The following CRHR2 variants were observed in gnomAD, a reference collection of about 807,000 sequenced individuals.
CRHR2 encodes the protein corticotropin releasing hormone receptor 2, also known as corticotropin-releasing hormone receptor 2.
CRHR2 carries 53 observed loss-of-function variants against 57.9 expected under a neutral mutation model. The observed-to-expected ratio is 0.92, with a 90% CI of 0.73 to 1.15. The LOEUF (loss-of-function observed/expected upper bound fraction) is 1.15. Ranked by LOEUF, CRHR2 falls within the 50% of genes most tolerant of loss-of-function variation. The pLI is 0.00. For synonymous variants in CRHR2, 213 were observed against 220.9 expected (o/e 0.96, Z 0.32); for missense variants, 532 against 542.6 (o/e 0.98, Z 0.19).
rs373067852 is a variant in CRHR2, at chr7:30,662,976, C to T, written c.544-129G>A. 93 of 1,076,056 alleles carry T rather than the reference C, an allele frequency of 8.6e-5. 1 individual carries two copies. The South Asian group carries it at 1.2e-3, about 14-fold the overall frequency. 66.7% of individuals were successfully genotyped at this position (1,076,056 alleles called of 1,614,324 possible). A position where few individuals can be genotyped will look rare whatever the true frequency, so the allele number is the denominator to read the frequency against. Reference sequence around the variant, plus strand: ...TCGTGGACATGCCATCAAATACCAGCGAACCTCACTCTGAAAAGCTTCATC... The same window carrying T: ...TCGTGGACATGCCATCAAATACCAGTGAACCTCACTCTGAAAAGCTTCATC... On this transcript the variant is annotated intron_variant, in intron 5 of 11. Coordinates refer to ENST00000471646, the MANE Select transcript of CRHR2 (RefSeq NM_001883.5).
chr7:30,689,953 A>G (rs565800099), intron 1 of CRHR2, among the ~76,000 whole-genome samples: 61 of 152,232 alleles, frequency 4.0e-4, no homozygotes, highest in Non-Finnish European at 6.3e-4. Context: ...AGAAGGGACC[A>G]TAGGGCCAGC....
chr7:30,670,583 A>G (rs1784325537), intron 2 of CRHR2, among the ~76,000 whole-genome samples: 2 of 152,240 alleles, frequency 1.3e-5, no homozygotes, highest in African/African-American at 4.8e-5. Flanking sequence ...CTGGGTATCA[A>G]AGGACTGGAG....
chr7:30,669,539 C>T (rs1207724436), intron 2 of CRHR2, among the ~76,000 whole-genome samples: 1 of 152,152 alleles, frequency 6.6e-6, no homozygotes, highest in Non-Finnish European at 1.5e-5. Context: ...CACCAATGCC[C>T]ATGGGGTCCC....
chr7:30,687,252 C>A (rs1344030892), upstream of CRHR2, among the ~76,000 whole-genome samples: 1 of 152,018 alleles, frequency 6.6e-6, no homozygotes, highest in Non-Finnish European at 1.5e-5. Flanking sequence ...TCGAGGGGCT[C>A]CCTAGCAGCC....
chr7:30,690,742 C>T (rs1166339938), intron 1 of CRHR2, among the ~76,000 whole-genome samples: 1 of 152,208 alleles, frequency 6.6e-6, no homozygotes, highest in African/African-American at 2.4e-5. Context: ...CCCACCTGCT[C>T]AGACAGGAGA....
chr7:30,688,959 G>C (rs1784906454), intron 2 of CRHR2: 1 of 630,022 alleles, frequency 1.6e-6, no homozygotes, highest in South Asian at 1.5e-5. Context: ...AGCTGGGAAT[G>C]GGGAGTGGCC....
rs1039529440 is a variant in CRHR2, at chr7:30,656,155, G to A, written c.832-143C>T. The A allele has an allele frequency of 4.1e-6, 3 of 725,424 alleles. No individual in the cohort carries two copies. The highest frequency in any genetic ancestry group is 2.2e-5 in the Admixed American group (1 of 46,140). The allele number at this position is 725,424 out of a possible 1,614,324, so 44.9% of individuals were successfully genotyped here. ...TATCCTACCTGTCCCCCTAGCACCT[G>A]CCAGCATCCCAAGGCCTGTGCTCCT... On this transcript the variant is annotated intron_variant, in intron 8 of 11. Coordinates refer to ENST00000471646, the MANE Select transcript of CRHR2 (RefSeq NM_001883.5). The surrounding 1 kb of genome is among the most constrained non-coding windows in gnomAD (Gnocchi z 4.4).
At chr7:30,658,643 C>T (rs1783879738) in intron 8 of CRHR2, among the ~76,000 whole-genome samples, 1 of 152,214 alleles carries the variant, frequency 6.6e-6, no homozygotes, top group Non-Finnish European at 1.5e-5. Context: ...TGAGCTCCTG[C>T]TTCCTTGTCT....
intron 2 of CRHR2, 79 bp from the exon 3 acceptor site, chr7:30,667,392 A>G: frequency 8.1e-7 from 1 of 1,240,140 alleles, no homozygotes; most frequent in Non-Finnish European, 1.2e-6. Context: ...TGCCCACAGG[A>G]TAAGGTGTAC....
intron 7 of CRHR2, among the ~76,000 whole-genome samples, chr7:30,660,925 G>T (rs1054871494): frequency 1.3e-5 from 2 of 152,230 alleles, no homozygotes; most frequent in African/African-American, 4.8e-5. Context: ...CAGACTGCTA[G>T]GCATAGGACT....
At position 30,671,024 on chromosome 7, in the gene CRHR2, G is replaced by A. The variant is rs1244116026; in HGVS notation, c.230-3711C>T. Among the ~76,000 whole-genome samples the A allele has an allele frequency of 2.0e-5, 3 of 152,308 alleles. No individual in the cohort carries two copies. The East Asian group carries it at 5.8e-4, about 29-fold the overall frequency. ...GCTGACACTTTGCAAAGAGTTCCTG[G>A]TTCAGGCAGTTACCTGGGGTGGTCC... On this transcript the variant is annotated intron_variant, in intron 2 of 11. Transcript: ENST00000471646.
chr7:30,670,566 A>G (rs1000516084), intron 2 of CRHR2, among the ~76,000 whole-genome samples: 4 of 152,244 alleles, frequency 2.6e-5, no homozygotes, highest in Non-Finnish European at 5.9e-5. Flanking sequence ...GCTTCTGGTT[A>G]CAGACACTGG....
intron 2 of CRHR2, among the ~76,000 whole-genome samples, chr7:30,680,084 T>C (rs1157660166): frequency 6.6e-6 from 1 of 152,228 alleles, no homozygotes; most frequent in African/African-American, 2.4e-5. Flanking sequence ...TTAGACTTAA[T>C]TGATATGAAT....
chr7:30,655,149 C>T, intron 10 of CRHR2, 69 bp from the exon 11 acceptor site: 1 of 1,534,286 alleles, frequency 6.5e-7, no homozygotes, highest in East Asian at 2.4e-5. Flanking sequence ...GGTGGGGTGG[C>T]ACTGGGGACA....
rs546243555 is a variant in CRHR2 at position 30,655,819 on chromosome 7, G to A, written c.918-104C>T. The A allele has an allele frequency of 1.4e-4, 219 of 1,584,978 alleles. 1 individual carries two copies. In the African/African-American group the frequency reaches 2.6e-3, roughly 19 times the overall value. ...TGGTGTTTCTTCCGGGAGCTTGAGC[G>A]AGCTCCCTGGGTGAGGCCTGGGGCA... is the stretch of plus-strand genomic sequence containing the variant. On this transcript the variant is annotated intron_variant, in intron 9 of 11. Coordinates refer to ENST00000471646, the MANE Select transcript of CRHR2 (RefSeq NM_001883.5).
rs746167448 is a variant in CRHR2, at chr7:30,665,270, G to A, written c.426-83C>T. On this transcript the variant is annotated intron_variant, in intron 4 of 11. Coordinates refer to ENST00000471646, the MANE Select transcript of CRHR2 (RefSeq NM_001883.5). The surrounding 1 kb of genome is among the most constrained non-coding windows in gnomAD (Gnocchi z 4.5). ...CCCCCTGAGGCCAGGTAGAGACTCAGCCTGGGATGAGGGCAGGGCTGCACT... is the reference window on the plus strand; with the variant it reads ...CCCCCTGAGGCCAGGTAGAGACTCAACCTGGGATGAGGGCAGGGCTGCACT... The A allele has an allele frequency of 2.2e-5, 27 of 1,233,162 alleles. No individual in the cohort carries two copies. The highest frequency in any genetic ancestry group is 5.9e-5 in the African/African-American group (4 of 67,642). 76.4% of individuals were successfully genotyped at this position (1,233,162 alleles called of 1,614,324 possible). A position where few individuals can be genotyped will look rare whatever the true frequency, so the allele number is the denominator to read the frequency against.
chr7:30,686,354 T>A (rs1418724159), upstream of CRHR2: 6 of 1,509,100 alleles, frequency 4.0e-6, no homozygotes, highest in South Asian at 2.5e-5. Context: ...TGCTCTAGAC[T>A]TCAGCCCAGT....
rs1784722142 is a variant in CRHR2 at position 30,681,929 on chromosome 7, T to C, written c.215A>G (p.Lys72Arg). 1 of 1,612,036 alleles carries C rather than the reference T, an allele frequency of 6.2e-7. No homozygotes were observed. Among genetic ancestry groups the C allele is most frequent in the Non-Finnish European group, 8.5e-7 (1 of 1,179,470 alleles). The change falls in exon 2 of 12, where the codon AAG (lysine) becomes AGG (arginine). Residue 72 changes from lysine (K) to arginine (R), a missense_variant. Transcript: ENST00000471646. ...RPCPEYFNGV[K>R]YNTTRNAYRE... ...GGGGCACTCACGGGTCGTGTTGTAC[T>C]TGACGCCGTTGAAGTACTCGGGGCA... is the stretch of plus-strand genomic sequence containing the variant.
Position 30,672,002 on chromosome 7 carries a change from C to T in CRHR2, c.230-4689G>A, listed in dbSNP as rs189444432. On this transcript the variant is annotated intron_variant, in intron 2 of 11. Transcript: ENST00000471646. ...AATATTTACAGAAGGAATGAAGTCA[C>T]TACATGGGATCGGAACTTTCAGCAC... 6.1e-3 allele frequency among the ~76,000 whole-genome samples: 928 copies of T among 152,298 alleles called. 7 individuals carry two copies. Among genetic ancestry groups the T allele is most frequent in the Middle Eastern group, 0.034 (10 of 294 alleles).
Sources: allele counts gnomAD v4.1 joint callset (sites outside exome capture counted in the v4.1 genomes callset), GRCh38; gene constraint gnomAD v4.1.1; non-coding constraint Gnocchi (gnomAD v3.1); transcripts MANE v1.5; gene names NCBI Gene and HGNC (gene_info 2026-07-23, HGNC 2026-07-21).